Variants in SIGLEC9 observed in about 807,000 individuals in gnomAD.
The protein encoded by SIGLEC9 is sialic acid binding Ig like lectin 9, also known as sialic acid-binding Ig-like lectin 9.
In SIGLEC9, 26 loss-of-function variants were observed where a neutral mutation model predicts 38.3. The ratio of observed to expected loss-of-function variants is 0.68; its 90% confidence interval spans 0.50 to 0.94. SIGLEC9 has a LOEUF of 0.94. Ranked by LOEUF, SIGLEC9 falls within the 40% of genes least tolerant of loss-of-function variation. SIGLEC9 has a pLI of 0.00. For synonymous variants in SIGLEC9, 236 were observed against 248.0 expected, an observed-to-expected ratio of 0.95 and a Z score of 0.45; for missense variants, 556 against 585.7, an observed-to-expected ratio of 0.95 and a Z score of 0.52.
upstream of SIGLEC9, among the ~76,000 whole-genome samples, chr19:51,121,621 T>C (rs916042534): frequency 1.4e-5 from 2 of 144,664 alleles, no homozygotes; most frequent in African/African-American, 2.6e-5. Context: ...AGTTTCGCTC[T>C]TGTCGTCCAG....
downstream of SIGLEC9, among the ~76,000 whole-genome samples, chr19:51,135,106 T>C (rs1385884521): frequency 6.6e-6 from 1 of 152,194 alleles, no homozygotes; most frequent in African/African-American, 2.4e-5. Flanking sequence ...GATCCTGTCA[T>C]TATGTTGTTA....
downstream of SIGLEC9, among the ~76,000 whole-genome samples, chr19:51,134,714 G>T (rs1038470492): frequency 6.6e-6 from 1 of 151,942 alleles, no homozygotes; most frequent in Non-Finnish European, 1.5e-5. Flanking sequence ...AGGAATTTTC[G>T]TATCTCAATT....
rs75583648 is a variant in SIGLEC9 at position 51,126,144 on chromosome 19, C to T, written c.748+16C>T. The T allele has an allele frequency of 7.6e-4, 1,232 of 1,611,718 alleles. 9 individuals carry two copies. The African/African-American group carries it at 0.015, about 19-fold the overall frequency. On this transcript the variant is annotated intron_variant, in intron 3 of 6. Coordinates refer to ENST00000250360, the MANE Select transcript of SIGLEC9 (RefSeq NM_014441.3). ...GACGGCACAGGTAGGATGGAGCTCC[C>T]TCCCTGGGGCTGGAGGAGCAGGGCC...
At chr19:51,136,209 A>G (rs1289935210) in exon 7 of SIGLEC9, 2 of 702,248 alleles carry the variant, frequency 2.8e-6, no homozygotes, top group Admixed American at 2.0e-5. Context: ...TGTTCCTTTA[A>G]TCTTTGAAGT....
chr19:51,126,280 A>T (rs1340373149), intron 3 of SIGLEC9, 152 bp downstream of exon 3: 2 of 746,220 alleles, frequency 2.7e-6, no homozygotes, highest in Non-Finnish European at 4.7e-6. Flanking sequence ...CCCCAAGGCC[A>T]CTTGTTCCCA....
At chr19:51,132,539 A>G (rs1286076111), downstream of SIGLEC9, among the ~76,000 whole-genome samples, 7 of 152,218 alleles carry the variant, frequency 4.6e-5, no homozygotes, top group African/African-American at 1.4e-4. Flanking sequence ...GTGTCTCATG[A>G]CCCGACCGCA....
In SIGLEC9 at chr19:51,128,502, G is replaced by C; in HGVS notation, c.1195G>C (p.Ala399Pro). Reference protein sequence around the residue: ...IEDANAVRGSASQGPLTEPWA... With the variant: ...IEDANAVRGSPSQGPLTEPWA... ...GGATGCAAACGCTGTCAGGGGTTCA[G>C]CCTCTCAGGTGAGTGATGTGGACTC... Residue 399 changes from alanine (A) to proline (P), a missense_variant, in exon 6 of 7, where the codon GCC (alanine) becomes CCC (proline). Physicochemically the swap from Ala to Pro is conservative, Grantham distance 27 (BLOSUM62 -1). Coordinates refer to ENST00000250360, the MANE Select transcript of SIGLEC9 (RefSeq NM_014441.3). 6.2e-7 allele frequency: 1 copy of C among 1,613,892 alleles called. No homozygotes were observed. Among genetic ancestry groups the C allele is most frequent in the Non-Finnish European group, 8.5e-7 (1 of 1,179,840 alleles).
At position 51,125,745 on chromosome 19, in the gene SIGLEC9, C is replaced by A; in HGVS notation, c.570C>A (p.Pro190=). ...GGACCTCCGTGTCCCCCCTGGACCC[C>A]TCCACCACCCGCTCCTCGGTGCTCA... ...WIGTSVSPLD[P]STTRSSVLTL... Residue 190 remains proline (P), a synonymous_variant, in exon 2 of 7, where the codon CCC becomes CCA. Transcript: ENST00000250360. 1 of 1,614,108 alleles carries A rather than the reference C, an allele frequency of 6.2e-7. No homozygotes were observed. The highest frequency in any genetic ancestry group is 8.5e-7 in the Non-Finnish European group (1 of 1,179,982).
At position 51,125,196 on chromosome 19, in the gene SIGLEC9, G is replaced by A. The variant is rs760687638; in HGVS notation, c.222G>A (p.Val74=). ...CCAATACAGACCAGGATGCTCCAGT[G>A]GCCACAAACAACCCAGCTCGGGCAG... ...EGANTDQDAP[V]ATNNPARAVW... The change falls in exon 1 of 7, where the codon GTG becomes GTA. Residue 74 remains valine, a synonymous_variant. Transcript: ENST00000250360. 1 of 1,614,056 alleles carries A rather than the reference G, an allele frequency of 6.2e-7. No homozygotes were observed. The highest frequency in any genetic ancestry group is 1.1e-5 in the South Asian group (1 of 91,074).
At position 51,128,105 on chromosome 19, in the gene SIGLEC9, C is replaced by A. The variant is rs1209112458; in HGVS notation, c.1106+66C>A. 1.0e-4 allele frequency: 141 copies of A among 1,347,684 alleles called. 1 individual carries two copies. In the South Asian group the frequency reaches 1.1e-3, roughly 11 times the overall value. 83.5% of individuals were successfully genotyped at this position (1,347,684 alleles called of 1,614,324 possible). On this transcript the variant is annotated intron_variant, in intron 5 of 6. Transcript: ENST00000250360. ...GGGGAGGACAGGCTGGAAGCTGGAT[C>A]CCTGAAGCCAGAGCTGGAGGGACCT...
chr19:51,130,389 G>A (rs1026416845), downstream of SIGLEC9: 6 of 246,304 alleles, frequency 2.4e-5, no homozygotes, highest in Non-Finnish European at 4.6e-5. Context: ...ACCATTCCAG[G>A]AGTCACATCC....
intron 5 of SIGLEC9, 63 bp from the exon 6 acceptor site, chr19:51,128,351 C>T (rs2091992279): frequency 6.4e-7 from 1 of 1,557,078 alleles, no homozygotes. Flanking sequence ...CATGGGGGTA[C>T]CTGGTCTGCC....
chr19:51,125,091 G>C lies in SIGLEC9; in HGVS notation c.117G>C (p.Val39=), dbSNP rs1472784255. The change falls in exon 1 of 7, where the codon GTG becomes GTC. Residue 39 remains valine, a synonymous_variant. Transcript: ENST00000250360. ...VTVQEGLCVH[V]PCSFSYPSHG... ...TGCAGGAAGGCCTGTGTGTCCATGTGCCCTGCTCCTTCTCCTACCCCTCGC... is the reference window on the plus strand; with the variant it reads ...TGCAGGAAGGCCTGTGTGTCCATGTCCCCTGCTCCTTCTCCTACCCCTCGC... The C allele has an allele frequency of 1.9e-6, 3 of 1,613,950 alleles. No individual in the cohort carries two copies. Among genetic ancestry groups the C allele is most frequent in the Non-Finnish European group, 2.5e-6 (3 of 1,180,002 alleles).
downstream of SIGLEC9, among the ~76,000 whole-genome samples, chr19:51,134,147 C>CTTTT (rs71185802): frequency 1.6e-3 from 109 of 66,516 alleles, 8 homozygotes; most frequent in East Asian, 3.3e-3. Context: ...TCTTTCTTTT[C>CTTTT]TTTTTTTTTT....
chr19:51,124,255 G>A (rs759157503), upstream of SIGLEC9, among the ~76,000 whole-genome samples: 26 of 152,188 alleles, frequency 1.7e-4, no homozygotes, highest in Admixed American at 1.5e-3. Context: ...TGTCCTTGGC[G>A]TGTATCAACA....
At chr19:51,129,497 C>T (rs755813568) in intron 6 of SIGLEC9, among the ~76,000 whole-genome samples, 24 of 151,872 alleles carry the variant, frequency 1.6e-4, no homozygotes, top group South Asian at 8.3e-4. Flanking sequence ...TCCACTAGGG[C>T]AAGAACAAGG....
downstream of SIGLEC9, among the ~76,000 whole-genome samples, chr19:51,135,161 C>CA (rs2092035896): frequency 6.6e-6 from 1 of 152,246 alleles, no homozygotes; most frequent in Non-Finnish European, 1.5e-5. Context: ...TTCATAATGT[C>CA]AGTGGGTTAT....
At chr19:51,122,906 G>C (rs2091952787), upstream of SIGLEC9, 1 of 152,474 alleles carries the variant, frequency 6.6e-6, no homozygotes, top group Non-Finnish European at 1.5e-5. This position sits in a 1 kb window ranked among gnomAD's most constrained non-coding sequence, Gnocchi z 4.1. Context: ...GAGGAGCATT[G>C]ACCTGTTGGG....
chr19:51,135,371 ATTTG>A (rs2092036734), intron 6 of SIGLEC9, among the ~76,000 whole-genome samples: 1 of 152,066 alleles, frequency 6.6e-6, no homozygotes, highest in African/African-American at 2.4e-5. Flanking sequence ...CTTGGCTGAA[ATTTG>A]TTTTCTTTAA....
Sources: allele counts gnomAD v4.1 joint callset (sites outside exome capture counted in the v4.1 genomes callset), GRCh38; gene constraint gnomAD v4.1.1; non-coding constraint Gnocchi (gnomAD v3.1); transcripts MANE v1.5; gene names NCBI Gene and HGNC (gene_info 2026-07-23, HGNC 2026-07-21).